The following PRELID2 variants were observed in gnomAD, a reference collection of about 807,000 sequenced individuals.
The protein encoded by PRELID2 is PRELI domain-containing protein 2.
In PRELID2, 25 loss-of-function variants were observed where a neutral mutation model predicts 28.4. The observed-to-expected ratio is 0.88, with a 90% CI of 0.64 to 1.23. The LOEUF (loss-of-function observed/expected upper bound fraction) is 1.23. Ranked by LOEUF, PRELID2 falls within the 50% of genes most tolerant of loss-of-function variation. PRELID2 has a pLI of 0.00. For missense variants in PRELID2, 201 were observed against 214.4 expected (o/e 0.94, Z 0.39); for synonymous variants, 76 against 71.6 (o/e 1.06, Z -0.31).
At chr5:145,389,803 C>T in the PRELID2 span, among the ~76,000 whole-genome samples, 5 of 152,198 alleles carry the variant, frequency 3.3e-5, no homozygotes, top group South Asian at 4.2e-4. Flanking sequence ...AGGTGGTATA[C>T]GAACAATACT....
intron 1 of PRELID2, among the ~76,000 whole-genome samples, chr5:145,665,574 CT>C (rs1487643099): frequency 2.0e-5 from 3 of 152,108 alleles, no homozygotes; most frequent in Non-Finnish European, 2.9e-5. Context: ...TCACATTACT[CT>C]TATGCTTATG....
chr5:145,409,777 G>T, the PRELID2 span, among the ~76,000 whole-genome samples: 1 of 148,204 alleles, frequency 6.7e-6, no homozygotes. Context: ...GACAAAGAGA[G>T]ACATTATATA....
chr5:145,703,643 T>C (rs17103648), intron 1 of PRELID2, among the ~76,000 whole-genome samples: 4,188 of 152,252 alleles, frequency 0.028, 184 homozygotes, highest in African/African-American at 0.094. Context: ...CTTAGGTCCA[T>C]TACAGTCTAA....
chr5:145,694,646 A>G (rs1755219328), intron 1 of PRELID2, among the ~76,000 whole-genome samples: 1 of 152,172 alleles, frequency 6.6e-6, no homozygotes, highest in Non-Finnish European at 1.5e-5. Context: ...TTAATAATTT[A>G]TTTCATGGAT....
chr5:145,521,676 C>T (rs1185788534), intron 1 of PRELID2, among the ~76,000 whole-genome samples: 2 of 152,164 alleles, frequency 1.3e-5, no homozygotes, highest in Non-Finnish European at 2.9e-5. Flanking sequence ...GAACAGGTAG[C>T]TGTCTATGGC....
chr5:145,441,650 T>A, the PRELID2 span, among the ~76,000 whole-genome samples: 760 of 152,190 alleles, frequency 5.0e-3, 5 homozygotes, highest in Non-Finnish European at 9.2e-3. Flanking sequence ...TTTCCATAAT[T>A]CCTAGGAAGT....
At chr5:145,395,301 T>C in the PRELID2 span, among the ~76,000 whole-genome samples, 2 of 152,158 alleles carry the variant, frequency 1.3e-5, no homozygotes, top group South Asian at 4.2e-4. Flanking sequence ...ACGACAGGAA[T>C]TGCCTGCAGG....
intron 1 of PRELID2, among the ~76,000 whole-genome samples, chr5:145,516,262 C>T (rs190059001): frequency 5.7e-4 from 87 of 152,306 alleles, no homozygotes; most frequent in Non-Finnish European, 1.0e-3. Context: ...AGCCCAAAAT[C>T]TCCTCAAGCT....
chr5:145,423,381 C>A, the PRELID2 span, among the ~76,000 whole-genome samples: 1 of 152,082 alleles, frequency 6.6e-6, no homozygotes, highest in Non-Finnish European at 1.5e-5. Context: ...ACCAATCAGG[C>A]ATAGATTTGG....
chr5:145,378,708 C>G, the PRELID2 span, among the ~76,000 whole-genome samples: 3 of 152,178 alleles, frequency 2.0e-5, no homozygotes, highest in African/African-American at 2.4e-5. Context: ...TACTTTTTAG[C>G]TTCCTTGGAT....
chr5:145,512,982 G>T (rs1032129882), intron 1 of PRELID2, among the ~76,000 whole-genome samples: 2 of 151,976 alleles, frequency 1.3e-5, no homozygotes, highest in African/African-American at 4.8e-5. Context: ...CCATCCGAAG[G>T]TCACCAGCAT....
At chr5:145,814,173 T>C (rs2149850271) in intron 4 of PRELID2, among the ~76,000 whole-genome samples, 1 of 152,310 alleles carries the variant, frequency 6.6e-6, no homozygotes, top group Admixed American at 6.5e-5. Flanking sequence ...CTAAAGGATG[T>C]CCTCCCTGGA....
chr5:145,700,828 T>C lies in PRELID2; in HGVS notation n.70+64103A>G, dbSNP rs139532718. Among the ~76,000 whole-genome samples the C allele has an allele frequency of 4.7e-4, 71 of 152,202 alleles. No homozygotes were observed. The East Asian group carries it at 0.012, about 25-fold the overall frequency. ...GTGTGTCCTAATGTGGCAAAAGCAG[T>C]ATGGGGAATACCTTTGGCAGTGCAT... On this transcript the variant is annotated intron_variant and non_coding_transcript_variant, in intron 1 of 2. Coordinates refer to the PRELID2 transcript ENST00000510259.
At chr5:145,680,133 T>A in intron 1 of PRELID2, among the ~76,000 whole-genome samples, 1 of 152,110 alleles carries the variant, frequency 6.6e-6, no homozygotes, top group East Asian at 1.9e-4. Flanking sequence ...ATTTAAAAAA[T>A]ATAGAATCGA....
chr5:145,782,230 G>C (rs2149796395), intron 5 of PRELID2, among the ~76,000 whole-genome samples: 2 of 152,302 alleles, frequency 1.3e-5, no homozygotes, highest in South Asian at 4.1e-4. Context: ...TCCTTCATCT[G>C]AACTCTCTGG....
chr5:145,593,382 A>C (rs914396368), intron 1 of PRELID2, among the ~76,000 whole-genome samples: 1 of 152,186 alleles, frequency 6.6e-6, no homozygotes, highest in African/African-American at 2.4e-5. Context: ...TGATCAAGGA[A>C]TCTATGAAAG....
chr5:145,234,683 A>G, the PRELID2 span, among the ~76,000 whole-genome samples: 2 of 152,192 alleles, frequency 1.3e-5, no homozygotes, highest in Admixed American at 6.5e-5. Context: ...CATCTATTCC[A>G]TGAATACTTA....
At chr5:145,646,146 C>T (rs1754192661) in intron 1 of PRELID2, among the ~76,000 whole-genome samples, 1 of 152,200 alleles carries the variant, frequency 6.6e-6, no homozygotes, top group Admixed American at 6.5e-5. Context: ...TGGTTCCATA[C>T]TCCCAGTCAC....
rs183273893 is a variant in PRELID2 at position 145,725,255 on chromosome 5, C to T, written n.70+39676G>A. On this transcript the variant is annotated intron_variant and non_coding_transcript_variant, in intron 1 of 2. Coordinates refer to the PRELID2 transcript ENST00000510259. ...AACATAATAAGGTGCTCAGAATCAT[C>T]GTTAATTTGATAAATTCACATTTAA... 2.2e-3 allele frequency among the ~76,000 whole-genome samples: 339 copies of T among 152,188 alleles called. 2 individuals are homozygous for T. The highest frequency in any genetic ancestry group is 3.8e-4 in the Non-Finnish European group (26 of 68,016).
Sources: allele counts gnomAD v4.1 joint callset (sites outside exome capture counted in the v4.1 genomes callset), GRCh38; gene constraint gnomAD v4.1.1; transcripts MANE v1.5; gene names NCBI Gene and HGNC (gene_info 2026-07-23, HGNC 2026-07-21).